The following ABCC8 variants were observed in gnomAD, a reference collection of about 807,000 sequenced individuals.
ABCC8 encodes the protein ATP binding cassette subfamily C member 8.
In ABCC8, 137 loss-of-function variants were observed where a neutral mutation model predicts 188.0. The ratio of observed to expected loss-of-function variants is 0.73; its 90% CI spans 0.63 to 0.84. The LOEUF (loss-of-function observed/expected upper bound fraction) is 0.84, where lower values mean the gene tolerates loss of function less well. ABCC8 is among the 40% of genes least tolerant of loss of function. The probability of loss-of-function intolerance (pLI) is 0.00; values close to 1 mark genes in which losing one functional copy is unlikely to be tolerated. For synonymous variants in ABCC8, 797 were observed against 846.5 expected (o/e 0.94, Z 1.01); for missense variants, 1,750 against 2,072.7 (o/e 0.84, Z 3.02).
rs372285848 is a variant in ABCC8 at position 17,428,406 on chromosome 11, C to G, written c.1924-1G>C. 1 of 1,612,348 alleles carries G rather than the reference C, an allele frequency of 6.2e-7. No homozygotes were observed. The highest frequency in any genetic ancestry group is 8.5e-7 in the Non-Finnish European group (1 of 1,178,684). On this transcript the variant is annotated splice_acceptor_variant, in intron 13 of 38. Coordinates refer to ENST00000389817, the MANE Select transcript of ABCC8 (RefSeq NM_000352.6). LOFTEE classifies it high-confidence loss of function. The stretch of plus-strand genomic sequence containing the variant: ...GCTTGCGGTTCACAACCCTGAGGGG[C>G]TGGGGGTGGTTTGGAGGTGAGGACC...
rs1953707321 is a variant in ABCC8, at chr11:17,393,031, T to C, written c.4706A>G (p.Lys1569Arg). The change falls in exon 39 of 39, where the codon AAG (lysine) becomes AGG (arginine). Residue 1569 changes from lysine to arginine, a missense_variant. Coordinates refer to ENST00000389817, the MANE Select transcript of ABCC8 (RefSeq NM_000352.6). Reference sequence around the variant, plus strand: ...GACGAAGGAGGCGAAGACGCTGTCCTTCCGGCTGAGCAGCTTCTCTGGCTT... The same window carrying C: ...GACGAAGGAGGCGAAGACGCTGTCCCTCCGGCTGAGCAGCTTCTCTGGCTT... ...FDKPEKLLSR[K>R]DSVFASFVRA... 1.2e-6 allele frequency: 2 copies of C among 1,614,078 alleles called. No homozygotes were observed. Among genetic ancestry groups the C allele is most frequent in the Non-Finnish European group, 1.7e-6 (2 of 1,180,056 alleles).
At chr11:17,407,314 C>T (rs751348170) in intron 24 of ABCC8, 40 bp downstream of exon 24, 1 of 1,614,000 alleles carries the variant, frequency 6.2e-7, no homozygotes, top group African/African-American at 1.3e-5. Context: ...GCTGATCAGA[C>T]CTCAGGCCAT....
Position 17,428,621 on chromosome 11 carries a change from G to T in ABCC8, c.1867C>A (p.Gln623Lys), listed in dbSNP as rs774235373. The stretch of plus-strand genomic sequence containing the variant: ...GGTGTGGGCTCATGGGGGGCACACT[G>T]CTCCTCACGGATCTCTGCACTGGAC... ...FLSSAEIREE[Q>K]CAPHEPTPQG... Residue 623 changes from glutamine (Q) to lysine (K), a missense_variant, in exon 13 of 39, where the codon CAG becomes AAG. Gln to Lys is a moderately conservative substitution (Grantham distance 53). Coordinates refer to ENST00000389817, the MANE Select transcript of ABCC8 (RefSeq NM_000352.6). 1.2e-6 allele frequency: 2 copies of T among 1,613,996 alleles called. No homozygotes were observed. Among genetic ancestry groups the T allele is most frequent in the Non-Finnish European group, 1.7e-6 (2 of 1,180,042 alleles).
At position 17,463,624 on chromosome 11, in the gene ABCC8, G is replaced by T. The variant is rs1462602014; in HGVS notation, c.413-20C>A. The stretch of plus-strand genomic sequence containing the variant: ...GCAGGGCTGCCGAGGAGAGATGGAA[G>T]ATCGCAGAGACGTGTGTGCATCATG... On this transcript the variant is annotated intron_variant, in intron 3 of 38. Coordinates refer to ENST00000389817, the MANE Select transcript of ABCC8 (RefSeq NM_000352.6). 6.4e-7 allele frequency: 1 copy of T among 1,562,040 alleles called. No individual in the cohort carries two copies. The highest frequency in any genetic ancestry group is 1.2e-5 in the South Asian group (1 of 84,570).
chr11:17,422,011 G>A (rs114159892), intron 16 of ABCC8, among the ~76,000 whole-genome samples: 1,640 of 152,300 alleles, frequency 0.011, 31 homozygotes, highest in African/African-American at 0.038. Flanking sequence ...GGCTGCAGGC[G>A]TGCAGACTTG....
In ABCC8 at chr11:17,395,633, G is replaced by A. The variant is rs986616476; in HGVS notation, c.4284C>T (p.Pro1428=). 5.1e-6 allele frequency: 8 copies of A among 1,557,684 alleles called. No individual in the cohort carries two copies. The African/African-American group carries it at 9.5e-5, about 19-fold the overall frequency. The part of the protein sequence containing the change: ...RSRLSIILQD[P]VLFSGTIRFN... ...ACCGGATGGTGCCGCTGAAGAGGACGGGGTCCTGCAGGATGATGGAGAGGC... is the reference window on the plus strand; with the variant it reads ...ACCGGATGGTGCCGCTGAAGAGGACAGGGTCCTGCAGGATGATGGAGAGGC... The change falls in exon 35 of 39, where the codon CCC becomes CCT. Residue 1428 remains proline (P), a synonymous_variant. Transcript: ENST00000389817.
chr11:17,476,803 G>T lies in ABCC8; in HGVS notation c.-27C>A. On this transcript the variant is annotated 5_prime_UTR_variant, in exon 1 of 39. Transcript: ENST00000389817. Reference sequence around the variant, plus strand: ...GCGGCGCGGGCGCGGGCTGGGCTCGGGCTCAGCTGGCTCCGCTGGCTCCGC... The same window carrying T: ...GCGGCGCGGGCGCGGGCTGGGCTCGTGCTCAGCTGGCTCCGCTGGCTCCGC... 6.6e-7 allele frequency: 1 copy of T among 1,506,544 alleles called. No individual in the cohort carries two copies. 93.3% of individuals were successfully genotyped at this position (1,506,544 alleles called of 1,614,324 possible).
Position 17,476,718 on chromosome 11 carries a change from C to T in ABCC8, c.59G>A (p.Gly20Glu). 4 of 1,609,156 alleles carry T rather than the reference C, an allele frequency of 2.5e-6. No individual in the cohort carries two copies. The highest frequency in any genetic ancestry group is 3.4e-6 in the Non-Finnish European group (4 of 1,178,008). Reference sequence around the variant, plus strand: ...CACAAAGCAGCCGTTGTTGAGGACCCCCTGGTCCACCCGGTAGGCGGCCGA... The same window carrying T: ...CACAAAGCAGCCGTTGTTGAGGACCTCCTGGTCCACCCGGTAGGCGGCCGA... ...NHSAAYRVDQ[G>E]VLNNGCFVDA... The change falls in exon 1 of 39, where the codon GGG becomes GAG. Residue 20 changes from glycine to glutamate, a missense_variant. Physicochemically the swap from Gly to Glu is moderately conservative, Grantham distance 98 (BLOSUM62 -2). Transcript: ENST00000389817.
In ABCC8 at chr11:17,430,975, C is replaced by T; in HGVS notation, c.1672-16G>A. The T allele has an allele frequency of 1.2e-6, 2 of 1,613,402 alleles. No individual in the cohort carries two copies. Among genetic ancestry groups the T allele is most frequent in the Middle Eastern group, 1.7e-4 (1 of 6,020 alleles). On this transcript the variant is annotated splice_polypyrimidine_tract_variant and intron_variant, in intron 11 of 38. Coordinates refer to ENST00000389817, the MANE Select transcript of ABCC8 (RefSeq NM_000352.6). Reference sequence around the variant, plus strand: ...CCACGAAAGTCTGTGGACAGAGGCACAAGTGAGGCCAGGGTGGCCCAGGGT... The same window carrying T: ...CCACGAAAGTCTGTGGACAGAGGCATAAGTGAGGCCAGGGTGGCCCAGGGT...
chr11:17,406,650 G>C lies in ABCC8; in HGVS notation c.3301C>G (p.Leu1101Val). The C allele has an allele frequency of 6.2e-7, 1 of 1,614,208 alleles. No individual in the cohort carries two copies. Reference sequence around the variant, plus strand: ...ATGGGGGCTAGGATGATCCGGTTTAGCAGGCTGCGGTGCAGTCTCTTGGCC... The same window carrying C: ...ATGGGGGCTAGGATGATCCGGTTTACCAGGCTGCGGTGCAGTCTCTTGGCC... Reference protein sequence around the residue: ...KVAKRLHRSLLNRIILAPMRF... With the variant: ...KVAKRLHRSLVNRIILAPMRF... The change falls in exon 26 of 39, where the codon CTA becomes GTA. Residue 1101 changes from leucine to valine, a missense_variant. Coordinates refer to ENST00000389817, the MANE Select transcript of ABCC8 (RefSeq NM_000352.6).
At chr11:17,440,139 TG>T (rs1038084481) in intron 10 of ABCC8, among the ~76,000 whole-genome samples, 1 of 152,120 alleles carries the variant, frequency 6.6e-6, no homozygotes, top group African/African-American at 2.4e-5. Flanking sequence ...CCAGGAACCT[TG>T]GGGACCCAGT....
chr11:17,392,804 T>C, downstream of ABCC8: 2 of 691,336 alleles, frequency 2.9e-6, no homozygotes, highest in South Asian at 3.4e-5. Context: ...ACACAGCTTC[T>C]GCCTGATGTC....
intron 33 of ABCC8, 133 bp downstream of exon 33, chr11:17,396,783 C>G (rs1179921111): frequency 1.7e-6 from 2 of 1,166,478 alleles, no homozygotes; most frequent in African/African-American, 1.5e-5. Flanking sequence ...GGGCAGGAGA[C>G]TGCGATGTCT....
In ABCC8 at chr11:17,428,554, C is replaced by T. The variant is rs767320031; in HGVS notation, c.1923+11G>A. The T allele has an allele frequency of 7.4e-6, 12 of 1,613,784 alleles. No homozygotes were observed. Among genetic ancestry groups the T allele is most frequent in the Admixed American group, 3.3e-5 (2 of 59,994 alleles). ...CATGCTGGGAGTAGCAAGGGGAGGC[C>T]GGGCACTCACCACCGCCTGGTACTT... is the stretch of plus-strand genomic sequence containing the variant. On this transcript the variant is annotated intron_variant, in intron 13 of 38. Transcript: ENST00000389817.
chr11:17,475,169 C>T, intron 1 of ABCC8, 142 bp from the exon 2 acceptor site: 1 of 1,289,008 alleles, frequency 7.8e-7, no homozygotes. Flanking sequence ...CTGGTACACA[C>T]AAACTAAACG....
rs773601305 is a variant in ABCC8, at chr11:17,413,427, C to A, written c.2442G>T (p.Leu814=). The A allele has an allele frequency of 5.0e-6, 8 of 1,614,154 alleles. No individual in the cohort carries two copies. The highest frequency in any genetic ancestry group is 5.9e-6 in the Non-Finnish European group (7 of 1,180,036). The change falls in exon 20 of 39, where the codon CTG becomes CTT. Residue 814 remains leucine (L), a synonymous_variant. Transcript: ENST00000389817. ...CAATCTGGGTCTGGTCTCCATGGGG[C>A]AGGATGTCGATGTCTGGCTGCAGAG... ...ACSLQPDIDI[L]PHGDQTQIGE...
At chr11:17,475,544 C>G (rs1039311985) in intron 1 of ABCC8, among the ~76,000 whole-genome samples, 1 of 152,182 alleles carries the variant, frequency 6.6e-6, no homozygotes, top group African/African-American at 2.4e-5. Flanking sequence ...ATTATACATA[C>G]TAACTTCTTG....
At position 17,453,196 on chromosome 11, in the gene ABCC8, G is replaced by T; in HGVS notation, c.1099C>A (p.Leu367Ile). 3 of 1,614,126 alleles carry T rather than the reference G, an allele frequency of 1.9e-6. No homozygotes were observed. Among genetic ancestry groups the T allele is most frequent in the Non-Finnish European group, 2.5e-6 (3 of 1,180,016 alleles). Residue 367 changes from leucine to isoleucine, a missense_variant, in exon 7 of 39, where the codon CTA (leucine) becomes ATA (isoleucine). Physicochemically the swap from Leu to Ile is conservative, Grantham distance 5. Transcript: ENST00000389817. ...GCTTGCAGAAATGTCCTTTGCAGTAGGAGGGCAAGGAACAGAAGCACAGCT... is the reference window on the plus strand; with the variant it reads ...GCTTGCAGAAATGTCCTTTGCAGTATGAGGGCAAGGAACAGAAGCACAGCT... Reference protein sequence around the residue: ...VLAVLLFLALLLQRTFLQASY... With the variant: ...VLAVLLFLALILQRTFLQASY...
chr11:17,397,565 G>A, intron 31 of ABCC8, 119 bp downstream of exon 31: 1 of 1,447,354 alleles, frequency 6.9e-7, no homozygotes, highest in African/African-American at 1.4e-5. Context: ...TGTCCCTCTG[G>A]CATCAGATGC....
Sources: gnomAD v4.1 joint callset for allele counts (sites outside exome capture counted in the v4.1 genomes callset) on GRCh38, gnomAD v4.1.1 for gene constraint, MANE v1.5 for transcripts, NCBI Gene and HGNC (gene_info 2026-07-23, HGNC 2026-07-21) for gene names.